The following PCSK6 variants were observed in gnomAD, a reference collection of about 807,000 sequenced individuals.
PCSK6 encodes the protein proprotein convertase subtilisin/kexin type 6, also known as paired basic amino acid cleaving enzyme 4.
In PCSK6, 85 loss-of-function variants were observed where a neutral mutation model predicts 123.3. That is an observed-to-expected ratio of 0.69 (90% CI 0.58 to 0.83). PCSK6 has a LOEUF of 0.83. Among genes scored for constraint, PCSK6 ranks in the 40% least tolerant of loss-of-function variants. PCSK6 has a pLI of 0.00. For missense variants in PCSK6, 1,191 were observed against 1,282.3 expected (o/e 0.93, Z 1.09); for synonymous variants, 508 against 516.0 (o/e 0.98, Z 0.21).
intron 13 of PCSK6, among the ~76,000 whole-genome samples, chr15:101,353,176 G>C (rs907143196): frequency 6.6e-6 from 1 of 152,122 alleles, no homozygotes; most frequent in Non-Finnish European, 1.5e-5. Flanking sequence ...CTTTCCCTGC[G>C]ACTAGACGGT....
chr15:101,436,514 C>G (rs1036578792), intron 2 of PCSK6, among the ~76,000 whole-genome samples: 18 of 152,232 alleles, frequency 1.2e-4, no homozygotes, highest in African/African-American at 4.3e-4. Flanking sequence ...GGACTGCAAG[C>G]CAGACCTGAC....
intron 2 of PCSK6, among the ~76,000 whole-genome samples, chr15:101,437,738 G>C (rs2056642660): frequency 6.6e-6 from 1 of 152,044 alleles, no homozygotes; most frequent in Admixed American, 6.6e-5. Context: ...TTCTTATTTT[G>C]CTGAAAGGGG....
chr15:101,395,191 G>C (rs749376991), intron 7 of PCSK6, among the ~76,000 whole-genome samples: 1 of 152,154 alleles, frequency 6.6e-6, no homozygotes, highest in Non-Finnish European at 1.5e-5. Context: ...TTGCAAGGTG[G>C]AGCATGCAAC....
rs375361514 is a variant in PCSK6 at position 101,403,264 on chromosome 15, A to T, written c.824-4688T>A. Among the ~76,000 whole-genome samples the T allele has an allele frequency of 2.0e-4, 21 of 106,408 alleles. No individual in the cohort carries two copies. In the South Asian group the frequency reaches 2.7e-3, roughly 13 times the overall value. 69.8% of individuals were successfully genotyped at this position (106,408 alleles called of 152,430 possible). A position where few individuals can be genotyped will look rare whatever the true frequency, so the allele number is the denominator to read the frequency against. ...GGAAGGGGAACATCACACTCTGGGG[A>T]CTGTTGTGGGGTGGGGGGAGGGGGG... On this transcript the variant is annotated intron_variant, in intron 6 of 21. Transcript: ENST00000611716.
chr15:101,384,055 T>C, intron 10 of PCSK6: 1 of 930,852 alleles, frequency 1.1e-6, no homozygotes, highest in Non-Finnish European at 1.3e-6. Context: ...TATGAGTAAA[T>C]ATTGGTATAG....
chr15:101,483,519 G>A (rs1212754751), intron 1 of PCSK6, among the ~76,000 whole-genome samples: 1 of 152,094 alleles, frequency 6.6e-6, no homozygotes, highest in Non-Finnish European at 1.5e-5. Context: ...AATACCCCAG[G>A]CAAAGCAAAA....
At chr15:101,309,270 C>G (rs1024016395) in intron 20 of PCSK6, among the ~76,000 whole-genome samples, 1 of 152,238 alleles carries the variant, frequency 6.6e-6, no homozygotes, top group Non-Finnish European at 1.5e-5. Context: ...CACCATGCTG[C>G]TCAGGGAGAT....
At chr15:101,311,592 G>A (rs2039865160) in intron 20 of PCSK6, among the ~76,000 whole-genome samples, 1 of 151,898 alleles carries the variant, frequency 6.6e-6, no homozygotes, top group Non-Finnish European at 1.5e-5. Context: ...CCAACCTCAG[G>A]TATTTCTTTT....
At position 101,373,477 on chromosome 15, in the gene PCSK6, G is replaced by A. The variant is rs536920788; in HGVS notation, c.1533-2954C>T. Reference sequence around the variant, plus strand: ...CAGGACAGCTACTATAGGAGGGCACGCTGCCACCTTCCTGACATGCAGTTA... The same window carrying A: ...CAGGACAGCTACTATAGGAGGGCACACTGCCACCTTCCTGACATGCAGTTA... On this transcript the variant is annotated intron_variant, in intron 11 of 21. Transcript: ENST00000611716. Among the ~76,000 whole-genome samples, 8 of 152,332 alleles carry A rather than the reference G, an allele frequency of 5.3e-5. No individual in the cohort carries two copies. In the East Asian group the frequency reaches 9.6e-4, roughly 18 times the overall value.
intron 13 of PCSK6, among the ~76,000 whole-genome samples, chr15:101,360,141 C>T (rs1395480926): frequency 1.3e-5 from 2 of 152,198 alleles, no homozygotes; most frequent in Non-Finnish European, 2.9e-5. Flanking sequence ...CTTTCAGAAT[C>T]TGACTGCTTC....
chr15:101,366,123 G>T, intron 13 of PCSK6, 73 bp downstream of exon 13: 1 of 1,448,626 alleles, frequency 6.9e-7, no homozygotes, highest in Non-Finnish European at 9.3e-7. Context: ...AGACTCCGTA[G>T]TTAAATAAGG....
intron 14 of PCSK6, 40 bp from the exon 15 acceptor site, chr15:101,331,729 G>A: frequency 6.5e-7 from 1 of 1,548,108 alleles, no homozygotes; most frequent in Non-Finnish European, 8.7e-7. Context: ...ATGACTCCCA[G>A]GCAAGAGAGA....
chr15:101,393,539 G>A, intron 7 of PCSK6, 115 bp from the exon 8 acceptor site: 1 of 737,172 alleles, frequency 1.4e-6, no homozygotes, highest in South Asian at 1.9e-5. Context: ...TAAGAAGGTT[G>A]CATTCAGACC....
At chr15:101,473,680 C>G (rs553881558) in intron 1 of PCSK6, among the ~76,000 whole-genome samples, 2 of 152,280 alleles carry the variant, frequency 1.3e-5, no homozygotes, top group South Asian at 4.1e-4. Context: ...GAGTTCAAGA[C>G]CAGCCTGGCC....
chr15:101,385,096 A>G (rs2042021517), intron 9 of PCSK6, among the ~76,000 whole-genome samples: 1 of 152,074 alleles, frequency 6.6e-6, no homozygotes, highest in South Asian at 2.1e-4. Context: ...GGCTCACTGC[A>G]ACCCCGACCT....
chr15:101,322,567 C>T lies in PCSK6; in HGVS notation c.2418G>A (p.Lys806=), dbSNP rs1206869114. 7 of 1,613,766 alleles carry T rather than the reference C, an allele frequency of 4.3e-6. No individual in the cohort carries two copies. The highest frequency in any genetic ancestry group is 5.9e-6 in the Non-Finnish European group (7 of 1,179,752). Residue 806 remains lysine, a synonymous_variant, in exon 18 of 22, where the codon AAG becomes AAA. Transcript: ENST00000611716. ...TACATTTCTCAGGTTCATCCACGCA[C>T]TTTTTACAGCTTGGGTGGCATTTAA... ...NCLKCHPSCK[K]CVDEPEKCTV... is the part of the protein sequence containing the mutation.
In PCSK6 at chr15:101,370,309, C is replaced by T. The variant is rs1182580431; in HGVS notation, c.1721+26G>A. The T allele has an allele frequency of 2.7e-6, 4 of 1,493,096 alleles. No homozygotes were observed. In the Admixed American group the frequency reaches 6.5e-5, roughly 24 times the overall value. The allele number at this position is 1,493,096 out of a possible 1,614,324, so 92.5% of individuals were successfully genotyped here. A position where few individuals can be genotyped will look rare whatever the true frequency, so the allele number is the denominator to read the frequency against. The stretch of plus-strand genomic sequence containing the variant: ...GGGTCAATCTCAGTGAGCCCAGACC[C>T]CATCCCCACGCCTGCCTCGCCTTAC... On this transcript the variant is annotated intron_variant, in intron 12 of 21. Transcript: ENST00000611716.
rs150414099 is a variant in PCSK6, at chr15:101,315,332, G to C, written c.2570-1827C>G. Reference sequence around the variant, plus strand: ...GTTAAAGTGGGTTGATTTTCTAAGCGACCTATTTTCTCAACTACTAAAAAA... The same window carrying C: ...GTTAAAGTGGGTTGATTTTCTAAGCCACCTATTTTCTCAACTACTAAAAAA... On this transcript the variant is annotated intron_variant, in intron 19 of 21. Coordinates refer to ENST00000611716, the MANE Select transcript of PCSK6 (RefSeq NM_002570.5). 6.8e-4 allele frequency among the ~76,000 whole-genome samples: 103 copies of C among 152,236 alleles called. 2 individuals carry two copies. The highest frequency in any genetic ancestry group is 2.4e-3 in the African/African-American group (98 of 41,540).
chr15:101,439,753 G>A (rs2056705198), intron 2 of PCSK6, among the ~76,000 whole-genome samples: 1 of 152,204 alleles, frequency 6.6e-6, no homozygotes, highest in Admixed American at 6.5e-5. Context: ...TTAAACTCCG[G>A]GGGCAAAGTC....
Sources: gnomAD v4.1 joint callset for allele counts (sites outside exome capture counted in the v4.1 genomes callset) on GRCh38, gnomAD v4.1.1 for gene constraint, MANE v1.5 for transcripts, NCBI Gene and HGNC (gene_info 2026-07-23, HGNC 2026-07-21) for gene names.